The following KCNH5 variants were observed in gnomAD, a reference collection of about 807,000 sequenced individuals.
The protein encoded by KCNH5 is voltage-gated delayed rectifier potassium channel KCNH5.
In KCNH5, 46 loss-of-function variants were observed where a neutral mutation model predicts 96.1. The ratio of observed to expected loss-of-function variants is 0.48; its 90% CI spans 0.38 to 0.61. The LOEUF (loss-of-function observed/expected upper bound fraction) is 0.61, where lower values mean the gene tolerates loss of function less well. Ranked by LOEUF, KCNH5 falls within the 20% of genes least tolerant of loss-of-function variation. KCNH5 has a pLI of 0.00. For synonymous variants in KCNH5, 439 were observed against 449.8 expected, an observed-to-expected ratio of 0.98 and a Z score of 0.30; for missense variants, 907 against 1,225.8, an observed-to-expected ratio of 0.74 and a Z score of 3.88.
intron 10 of KCNH5, among the ~76,000 whole-genome samples, chr14:62,766,208 A>T (rs767192090): frequency 5.9e-5 from 9 of 152,186 alleles, no homozygotes; most frequent in African/African-American, 9.6e-5. Context: ...AAAACGGGAC[A>T]TCTTGTGCAC....
At chr14:62,748,867 AG>A (rs753890650) in intron 10 of KCNH5, among the ~76,000 whole-genome samples, 10 of 152,322 alleles carry the variant, frequency 6.6e-5, no homozygotes, top group Non-Finnish European at 1.2e-4. Context: ...ATCCCACAAA[AG>A]CAAAGTAAAA....
intron 8 of KCNH5, among the ~76,000 whole-genome samples, chr14:62,824,288 CTTTT>C (rs1887175177): frequency 6.6e-6 from 1 of 151,926 alleles, no homozygotes; most frequent in Admixed American, 6.6e-5. Flanking sequence ...AGTCTGAATA[CTTTT>C]CCCCTAAAGG....
At chr14:62,825,649 G>T (rs1887207712) in intron 8 of KCNH5, among the ~76,000 whole-genome samples, 1 of 152,082 alleles carries the variant, frequency 6.6e-6, no homozygotes, top group South Asian at 2.1e-4. Context: ...TTAACATATT[G>T]AACTTGTCAG....
chr14:62,847,153 T>TA (rs1555359854), intron 8 of KCNH5, among the ~76,000 whole-genome samples: 14,496 of 147,026 alleles, frequency 0.099, 961 homozygotes, highest in East Asian at 0.29. Flanking sequence ...TATATATTTT[T>TA]TATATATATA....
intron 8 of KCNH5, among the ~76,000 whole-genome samples, chr14:62,817,326 G>A (rs1379797476): frequency 1.4e-5 from 2 of 139,822 alleles, no homozygotes; most frequent in East Asian, 4.3e-4. Context: ...AACAAAATAA[G>A]AAGTTCAATA....
chr14:63,042,500 A>G (rs1157626801), intron 1 of KCNH5, among the ~76,000 whole-genome samples: 1 of 152,142 alleles, frequency 6.6e-6, no homozygotes, highest in Non-Finnish European at 1.5e-5. Context: ...GTAAAAAGAC[A>G]AGGCCAGCCT....
At chr14:62,839,251 T>C (rs1887526802) in intron 8 of KCNH5, among the ~76,000 whole-genome samples, 2 of 152,186 alleles carry the variant, frequency 1.3e-5, no homozygotes, top group South Asian at 4.1e-4. Context: ...TTCTAGCTCT[T>C]TTTTCTAATT....
chr14:62,750,829 G>A (rs1332902947), intron 10 of KCNH5, among the ~76,000 whole-genome samples: 1 of 152,176 alleles, frequency 6.6e-6, no homozygotes, highest in Non-Finnish European at 1.5e-5. Context: ...TGAGGTAGAA[G>A]CTGGTAAGGC....
At chr14:63,013,533 A>G (rs1891268320) in intron 2 of KCNH5, among the ~76,000 whole-genome samples, 1 of 152,036 alleles carries the variant, frequency 6.6e-6, no homozygotes, top group South Asian at 2.1e-4. Flanking sequence ...CACTATAATA[A>G]CTTTTAGCCA....
chr14:62,882,394 C>T (rs746375358), intron 7 of KCNH5, among the ~76,000 whole-genome samples: 5 of 152,188 alleles, frequency 3.3e-5, no homozygotes, highest in Non-Finnish European at 5.9e-5. Context: ...GAGCTGCATG[C>T]TGTAATTTCT....
intron 7 of KCNH5, among the ~76,000 whole-genome samples, chr14:62,893,781 TCAAG>T (rs1477973172): frequency 6.6e-6 from 1 of 152,172 alleles, no homozygotes; most frequent in Non-Finnish European, 1.5e-5. Flanking sequence ...ACTTAGTTGA[TCAAG>T]CAGCAGCAGG....
intron 3 of KCNH5, among the ~76,000 whole-genome samples, chr14:63,002,401 CAA>C (rs1246147837): frequency 6.6e-6 from 1 of 152,172 alleles, no homozygotes; most frequent in Non-Finnish European, 1.5e-5. Flanking sequence ...CCATTACAAT[CAA>C]AGAGACACAT....
At chr14:62,727,775 TAAA>T (rs79827478) in intron 10 of KCNH5, among the ~76,000 whole-genome samples, 9 of 116,008 alleles carry the variant, frequency 7.8e-5, no homozygotes, top group Non-Finnish European at 7.3e-5. Flanking sequence ...TACAGTCTGG[TAAA>T]AAAAAAAAAA....
At chr14:62,833,424 C>G (rs1383714283) in intron 8 of KCNH5, among the ~76,000 whole-genome samples, 2 of 151,974 alleles carry the variant, frequency 1.3e-5, no homozygotes, top group African/African-American at 4.8e-5. Flanking sequence ...ACTACTGAAG[C>G]TTTTGTCAAC....
intron 7 of KCNH5, among the ~76,000 whole-genome samples, chr14:62,880,189 C>T (rs991896811): frequency 3.3e-5 from 5 of 152,028 alleles, no homozygotes; most frequent in Admixed American, 3.3e-4. Flanking sequence ...TATTAGCAAC[C>T]ATTACATAGG....
intron 6 of KCNH5, among the ~76,000 whole-genome samples, chr14:62,959,671 C>A (rs1890170011): frequency 6.6e-6 from 1 of 152,056 alleles, no homozygotes. Flanking sequence ...AATCCTCTGT[C>A]CTCCCACTTT....
At chr14:62,731,568 C>T (rs1325104319) in intron 10 of KCNH5, among the ~76,000 whole-genome samples, 1 of 152,016 alleles carries the variant, frequency 6.6e-6, no homozygotes, top group African/African-American at 2.4e-5. Context: ...AATTCATCTG[C>T]CTTTTGCAAT....
intron 8 of KCNH5, among the ~76,000 whole-genome samples, chr14:62,825,437 T>C (rs1268192072): frequency 6.6e-6 from 1 of 152,110 alleles, no homozygotes; most frequent in African/African-American, 2.4e-5. Context: ...ATGCCTTCTT[T>C]TGAGAAATCT....
chr14:62,951,701 C>T (rs1042719990), intron 6 of KCNH5, among the ~76,000 whole-genome samples: 3 of 152,200 alleles, frequency 2.0e-5, no homozygotes, highest in Non-Finnish European at 4.4e-5. Flanking sequence ...TGGCTCATGC[C>T]TGTAATCCCA....
Sources: gnomAD v4.1 joint callset for allele counts (sites outside exome capture counted in the v4.1 genomes callset) on GRCh38, gnomAD v4.1.1 for gene constraint, MANE v1.5 for transcripts, NCBI Gene and HGNC (gene_info 2026-07-23, HGNC 2026-07-21) for gene names.